DPYD: variants seen among roughly 807,000 people sequenced by gnomAD.
DPYD encodes the protein dihydropyrimidine dehydrogenase [NADP(+)].
DPYD carries 109 observed loss-of-function variants against 116.2 expected under a neutral mutation model. The observed-to-expected ratio is 0.94, with a 90% CI of 0.80 to 1.10. DPYD has a LOEUF of 1.10. Ranked by LOEUF, DPYD falls within the 50% of genes least tolerant of loss-of-function variation. The pLI is 0.00. For missense variants in DPYD, 1,302 were observed against 1,254.5 expected, an observed-to-expected ratio of 1.04 and a Z score of -0.57; for synonymous variants, 440 against 432.0, an observed-to-expected ratio of 1.02 and a Z score of -0.23.
At chr1:97,215,453 C>T (rs766481847) in intron 19 of DPYD, among the ~76,000 whole-genome samples, 3 of 151,984 alleles carry the variant, frequency 2.0e-5, no homozygotes, top group Non-Finnish European at 2.9e-5. Flanking sequence ...ATTACAATAG[C>T]GTCTCTAGAG....
chr1:97,638,846 C>T (rs962138608), intron 8 of DPYD, among the ~76,000 whole-genome samples: 11 of 152,092 alleles, frequency 7.2e-5, no homozygotes, highest in African/African-American at 1.9e-4. Context: ...CAATGCCAAG[C>T]TATTCATGAG....
At chr1:97,429,458 C>T (rs2101724400) in intron 14 of DPYD, among the ~76,000 whole-genome samples, 1 of 151,960 alleles carries the variant, frequency 6.6e-6, no homozygotes, top group Non-Finnish European at 1.5e-5. Flanking sequence ...TCTCTTTATT[C>T]TTTTTTTGGA....
intron 18 of DPYD, among the ~76,000 whole-genome samples, chr1:97,254,764 T>C (rs1169408153): frequency 3.3e-5 from 5 of 152,190 alleles, no homozygotes; most frequent in Admixed American, 3.3e-4. Flanking sequence ...AATAAACGTT[T>C]ATTTCAACAC....
chr1:97,094,897 C>T (rs770557861), intron 21 of DPYD, among the ~76,000 whole-genome samples: 15 of 152,056 alleles, frequency 9.9e-5, no homozygotes, highest in African/African-American at 1.2e-4. Flanking sequence ...TGAGACTACA[C>T]GCTGCTCTCT....
At chr1:97,492,616 G>A (rs574391321) in intron 13 of DPYD, among the ~76,000 whole-genome samples, 119 of 152,182 alleles carry the variant, frequency 7.8e-4, no homozygotes, top group African/African-American at 2.6e-3. Context: ...TATTTTGCCA[G>A]TTGATCACAG....
intron 13 of DPYD, among the ~76,000 whole-genome samples, chr1:97,461,394 G>A (rs1001188838): frequency 4.6e-5 from 7 of 152,090 alleles, no homozygotes; most frequent in African/African-American, 1.7e-4. Context: ...GAAAACAGAG[G>A]GAAAGCATAA....
chr1:97,784,497 T>TA (rs1367876540), intron 3 of DPYD, among the ~76,000 whole-genome samples: 1 of 152,178 alleles, frequency 6.6e-6, no homozygotes, highest in Non-Finnish European at 1.5e-5. Context: ...TTTATAAGAC[T>TA]AAACTATCTT....
At chr1:97,486,760 T>C (rs1678663812) in intron 13 of DPYD, among the ~76,000 whole-genome samples, 1 of 152,120 alleles carries the variant, frequency 6.6e-6, no homozygotes, top group African/African-American at 2.4e-5. Context: ...TTATTTATTA[T>C]ATGGGTTTAT....
chr1:97,540,141 A>AT (rs1209273248), intron 12 of DPYD, among the ~76,000 whole-genome samples: 6 of 149,110 alleles, frequency 4.0e-5, no homozygotes, highest in Non-Finnish European at 8.9e-5. Flanking sequence ...CTACCTGATG[A>AT]TAGCACCAGT....
chr1:97,436,666 G>C lies in DPYD; in HGVS notation c.1905+13393C>G, dbSNP rs113686915. Among the ~76,000 whole-genome samples, 71 of 152,082 alleles carry C rather than the reference G, an allele frequency of 4.7e-4. 1 individual carries two copies. Among genetic ancestry groups the C allele is most frequent in the African/African-American group, 1.7e-3 (69 of 41,528 alleles). ...ATTTTCTCAAGATTCTTCTTTTACTGAATGACATGAACCACCAGCATTTTA... is the reference window on the plus strand; with the variant it reads ...ATTTTCTCAAGATTCTTCTTTTACTCAATGACATGAACCACCAGCATTTTA... On this transcript the variant is annotated intron_variant, in intron 14 of 22. Coordinates refer to ENST00000370192, the MANE Select transcript of DPYD (RefSeq NM_000110.4).
At chr1:97,663,987 G>A (rs113742947) in intron 8 of DPYD, among the ~76,000 whole-genome samples, 1 of 152,032 alleles carries the variant, frequency 6.6e-6, no homozygotes, top group Non-Finnish European at 1.5e-5. Context: ...TGGGAAAAAA[G>A]GAATAGTCAA....
intron 20 of DPYD, among the ~76,000 whole-genome samples, chr1:97,173,357 TAC>T (rs1386508202): frequency 8.7e-4 from 87 of 99,996 alleles, no homozygotes; most frequent in Admixed American, 1.4e-3. Flanking sequence ...CACATATATG[TAC>T]ATATATACAT....
At chr1:97,866,701 T>C (rs547673163) in intron 2 of DPYD, among the ~76,000 whole-genome samples, 52 of 151,954 alleles carry the variant, frequency 3.4e-4, no homozygotes, top group African/African-American at 1.2e-3. Context: ...TAAAATGTGG[T>C]TAGGAGTAAT....
At chr1:97,511,888 G>C (rs1647829206) in intron 13 of DPYD, among the ~76,000 whole-genome samples, 1 of 151,826 alleles carries the variant, frequency 6.6e-6, no homozygotes. Flanking sequence ...AACAATCTAA[G>C]TCTTAAACCA....
chr1:97,343,207 T>A (rs1669668376), intron 16 of DPYD, among the ~76,000 whole-genome samples: 1 of 152,128 alleles, frequency 6.6e-6, no homozygotes, highest in Non-Finnish European at 1.5e-5. Flanking sequence ...AACTACCATT[T>A]ACAGCTATTG....
intron 19 of DPYD, among the ~76,000 whole-genome samples, chr1:97,221,066 A>T (rs1443738500): frequency 6.6e-6 from 1 of 152,202 alleles, no homozygotes; most frequent in Non-Finnish European, 1.5e-5. Flanking sequence ...TTCAGAATTC[A>T]AAATAATTTT....
chr1:97,745,707 C>T (rs1460073041), intron 3 of DPYD, among the ~76,000 whole-genome samples: 3 of 151,966 alleles, frequency 2.0e-5, no homozygotes, highest in Non-Finnish European at 1.5e-5. Context: ...ATAAGACTAC[C>T]TCTATCTCCA....
chr1:97,280,196 A>C (rs1665223505), intron 18 of DPYD: 1 of 150,602 alleles, frequency 6.6e-6, no homozygotes, highest in Non-Finnish European at 1.5e-5. Flanking sequence ...GAATCTCCAG[A>C]CATTTCAGAA....
intron 12 of DPYD, among the ~76,000 whole-genome samples, chr1:97,524,727 A>G (rs989812082): frequency 5.9e-5 from 9 of 152,118 alleles, no homozygotes; most frequent in African/African-American, 2.2e-4. Flanking sequence ...CACCCCTAGG[A>G]TGTTATCCTT....
Sources: allele counts gnomAD v4.1 joint callset (sites outside exome capture counted in the v4.1 genomes callset), GRCh38; gene constraint gnomAD v4.1.1; transcripts MANE v1.5; gene names NCBI Gene and HGNC (gene_info 2026-07-23, HGNC 2026-07-21).